Variants in THSD7A observed in about 807,000 individuals in gnomAD.
The protein encoded by THSD7A is thrombospondin type 1 domain containing 7A.
THSD7A carries 96 observed loss-of-function variants against 231.3 expected under a neutral mutation model. That is an observed-to-expected ratio of 0.41 (90% confidence interval 0.35 to 0.49). The LOEUF (loss-of-function observed/expected upper bound fraction) is 0.49, where lower values mean the gene tolerates loss of function less well. Ranked by LOEUF, THSD7A falls within the 20% of genes least tolerant of loss-of-function variation. The probability of loss-of-function intolerance (pLI) is 0.05; values close to 1 mark genes in which losing one functional copy is unlikely to be tolerated. For synonymous variants in THSD7A, 940 were observed against 743.3 expected, an observed-to-expected ratio of 1.26 and a Z score of -4.30; for missense variants, 2,290 against 2,070.2, an observed-to-expected ratio of 1.11 and a Z score of -2.06.
At chr7:11,417,841 A>T (rs959940759) in intron 16 of THSD7A, among the ~76,000 whole-genome samples, 1 of 152,202 alleles carries the variant, frequency 6.6e-6, no homozygotes, top group African/African-American at 2.4e-5. Context: ...ATGTGTTTGC[A>T]TTCATGAGTC....
chr7:11,818,151 C>T (rs1562576782), intron 1 of THSD7A, among the ~76,000 whole-genome samples: 1 of 152,172 alleles, frequency 6.6e-6, no homozygotes, highest in Non-Finnish European at 1.5e-5. Flanking sequence ...CCTACAAACA[C>T]ATCCATCTAC....
At chr7:11,722,824 A>T (rs2128153767) in intron 1 of THSD7A, among the ~76,000 whole-genome samples, 1 of 152,074 alleles carries the variant, frequency 6.6e-6, no homozygotes. Flanking sequence ...AAGTCAGGAA[A>T]CAACACGTGC....
rs180733868 is a variant in THSD7A at position 11,466,148 on chromosome 7, G to T, written c.2368+3731C>A. On this transcript the variant is annotated intron_variant, in intron 9 of 27. Transcript: ENST00000423059. ...TAAAGTGATTTTAAAAAGAAGGATA[G>T]TCCTGCACTTTAATAAGCCCAACAT... 5.5e-4 allele frequency among the ~76,000 whole-genome samples: 83 copies of T among 152,228 alleles called. 1 individual carries two copies. The highest frequency in any genetic ancestry group is 1.9e-3 in the African/African-American group (81 of 41,558).
intron 1 of THSD7A, among the ~76,000 whole-genome samples, chr7:11,753,754 C>G (rs910070868): frequency 5.9e-4 from 90 of 151,600 alleles, no homozygotes; most frequent in African/African-American, 2.1e-3. Context: ...TGCTAAATTC[C>G]TAGCACAAAC....
chr7:11,656,803 G>T (rs996960560), intron 1 of THSD7A, among the ~76,000 whole-genome samples: 1 of 151,780 alleles, frequency 6.6e-6, no homozygotes, highest in East Asian at 1.9e-4. Flanking sequence ...ACCTGAAGTC[G>T]GAAGGTGGGT....
chr7:11,828,935 C>T (rs183332527), intron 1 of THSD7A, among the ~76,000 whole-genome samples: 1 of 152,252 alleles, frequency 6.6e-6, no homozygotes, highest in Admixed American at 6.5e-5. Flanking sequence ...TCTTCCTCCT[C>T]AGCCTATTCA....
intron 4 of THSD7A, among the ~76,000 whole-genome samples, chr7:11,578,716 A>ATATTTG (rs1791026605): frequency 6.6e-6 from 1 of 152,206 alleles, no homozygotes; most frequent in African/African-American, 2.4e-5. Context: ...TTAAAAGAGG[A>ATATTTG]GATATTTGGA....
At chr7:11,602,299 T>C (rs1165879203) in intron 2 of THSD7A, among the ~76,000 whole-genome samples, 1 of 152,034 alleles carries the variant, frequency 6.6e-6, no homozygotes, top group African/African-American at 2.4e-5. Flanking sequence ...TGTGCATATA[T>C]GTGTGTGTGT....
chr7:11,808,534 A>C (rs1044493485), intron 1 of THSD7A, among the ~76,000 whole-genome samples: 2 of 152,226 alleles, frequency 1.3e-5, no homozygotes, highest in African/African-American at 4.8e-5. Context: ...GAATTAAGGC[A>C]CAACTATATA....
At chr7:11,828,310 T>C (rs1785089011) in intron 1 of THSD7A, among the ~76,000 whole-genome samples, 1 of 152,186 alleles carries the variant, frequency 6.6e-6, no homozygotes, top group African/African-American at 2.4e-5. Context: ...ACTTTCAAGA[T>C]CTAGGAAAGC....
chr7:11,616,492 A>AT (rs1054868679), intron 2 of THSD7A, among the ~76,000 whole-genome samples: 5 of 152,168 alleles, frequency 3.3e-5, no homozygotes, highest in African/African-American at 1.2e-4. Context: ...GCAGAAAGAA[A>AT]TTTTTTGCAG....
At chr7:11,527,391 A>G (rs1275997222) in intron 6 of THSD7A, among the ~76,000 whole-genome samples, 1 of 151,544 alleles carries the variant, frequency 6.6e-6, no homozygotes, top group African/African-American at 2.4e-5. Context: ...TGGCCAAAAT[A>G]TATATATATA....
chr7:11,543,537 A>T (rs1478537524), intron 4 of THSD7A, among the ~76,000 whole-genome samples: 1 of 152,194 alleles, frequency 6.6e-6, no homozygotes, highest in African/African-American at 2.4e-5. Flanking sequence ...AAAAATGTCC[A>T]CTGAGTAGTT....
intron 6 of THSD7A, among the ~76,000 whole-genome samples, chr7:11,521,588 CCACT>C (rs1788268793): frequency 7.0e-6 from 1 of 142,516 alleles, no homozygotes; most frequent in South Asian, 2.2e-4. Context: ...TGCGCTGCAC[CCACT>C]AACGTGTCAG....
intron 1 of THSD7A, among the ~76,000 whole-genome samples, chr7:11,737,122 C>T (rs1020580852): frequency 1.3e-5 from 2 of 151,978 alleles, no homozygotes; most frequent in African/African-American, 4.8e-5. Context: ...ATTACTCAGT[C>T]TTGGGTATGT....
At chr7:11,572,875 C>T (rs1231796669) in intron 4 of THSD7A, among the ~76,000 whole-genome samples, 2 of 152,076 alleles carry the variant, frequency 1.3e-5, no homozygotes, top group South Asian at 2.1e-4. Flanking sequence ...TCTTTTTCTT[C>T]TCCTTTTTTC....
chr7:11,481,524 A>G (rs933498744), intron 7 of THSD7A, among the ~76,000 whole-genome samples: 4 of 152,200 alleles, frequency 2.6e-5, no homozygotes, highest in African/African-American at 9.6e-5. Context: ...TTGGTTTACA[A>G]AGAACTCTAA....
At chr7:11,593,215 T>C in intron 3 of THSD7A, 39 bp downstream of exon 3, 1 of 1,601,192 alleles carries the variant, frequency 6.2e-7, no homozygotes. Context: ...TGAGCAAATG[T>C]AGTTTCGGCA....
chr7:11,617,835 C>A (rs572540718), intron 2 of THSD7A, among the ~76,000 whole-genome samples: 1 of 151,864 alleles, frequency 6.6e-6, no homozygotes, highest in Admixed American at 6.6e-5. Context: ...TGGGGCCTGT[C>A]GTGGGGTAGG....
Sources: gnomAD v4.1 joint callset for allele counts (sites outside exome capture counted in the v4.1 genomes callset) on GRCh38, gnomAD v4.1.1 for gene constraint, MANE v1.5 for transcripts, NCBI Gene and HGNC (gene_info 2026-07-23, HGNC 2026-07-21) for gene names.